Variants in RGS6 observed in about 807,000 individuals in gnomAD.
The protein encoded by RGS6 is regulator of G-protein signaling 6.
Under a neutral mutation model 78.5 loss-of-function variants are expected in RGS6, and 30 were observed. The observed-to-expected ratio is 0.38, with a 90% CI of 0.29 to 0.52. The LOEUF is 0.52. Ranked by LOEUF, RGS6 falls within the 20% of genes least tolerant of loss-of-function variation. The pLI, the probability that RGS6 is intolerant of heterozygous loss-of-function variation, is 0.85. For missense variants in RGS6, 495 were observed against 609.7 expected, an observed-to-expected ratio of 0.81 and a Z score of 1.98; for synonymous variants, 206 against 206.0, an observed-to-expected ratio of 1.00 and a Z score of 0.00.
chr14:72,182,095 T>C (rs1287770939), intron 2 of RGS6, among the ~76,000 whole-genome samples: 2 of 152,208 alleles, frequency 1.3e-5, no homozygotes, highest in African/African-American at 4.8e-5. Flanking sequence ...AGGTTTTTTT[T>C]CTCATTCTTT....
the RGS6 span, among the ~76,000 whole-genome samples, chr14:71,878,722 A>G: frequency 1.3e-5 from 2 of 152,150 alleles, no homozygotes; most frequent in South Asian, 2.1e-4. Flanking sequence ...CCCCAGTGAG[A>G]TGAACTTGGT....
At chr14:72,386,945 G>A (rs1304079849) in intron 3 of RGS6, among the ~76,000 whole-genome samples, 2 of 152,070 alleles carry the variant, frequency 1.3e-5, no homozygotes, top group Non-Finnish European at 2.9e-5. Flanking sequence ...GCTGTGAAAG[G>A]GCACTTGGAA....
intron 2 of RGS6, among the ~76,000 whole-genome samples, chr14:72,110,548 T>C (rs2095735661): frequency 6.6e-6 from 1 of 152,202 alleles, no homozygotes; most frequent in African/African-American, 2.4e-5. Flanking sequence ...TCTCTCTCCC[T>C]GCCTTCTTCC....
chr14:72,075,658 A>G (rs1597154825), intron 2 of RGS6, among the ~76,000 whole-genome samples: 1 of 152,142 alleles, frequency 6.6e-6, no homozygotes, highest in Admixed American at 6.5e-5. Flanking sequence ...ATTTACTTGT[A>G]CAGTTTTTTT....
At chr14:72,045,218 ATTTCC>A (rs2092736622) in intron 2 of RGS6, among the ~76,000 whole-genome samples, 1 of 152,160 alleles carries the variant, frequency 6.6e-6, no homozygotes, top group Non-Finnish European at 1.5e-5. Context: ...GTTATTTTAA[ATTTCC>A]TATCCGATAA....
intron 2 of RGS6, among the ~76,000 whole-genome samples, chr14:72,147,088 C>T (rs1359409105): frequency 2.6e-5 from 4 of 152,176 alleles, no homozygotes; most frequent in Non-Finnish European, 1.5e-5. Context: ...CTGATCATGA[C>T]GTCTTAAGTA....
At chr14:72,261,448 ATACTTTTAGT>A (rs2058136770) in intron 2 of RGS6, among the ~76,000 whole-genome samples, 1 of 151,824 alleles carries the variant, frequency 6.6e-6, no homozygotes, top group East Asian at 1.9e-4. Context: ...CGAAATTACT[ATACTTTTAGT>A]AAGTGAGTGA....
the RGS6 span, among the ~76,000 whole-genome samples, chr14:72,590,757 A>G: frequency 6.6e-6 from 1 of 152,214 alleles, no homozygotes; most frequent in Non-Finnish European, 1.5e-5. Context: ...TCTAGCGGAT[A>G]AGGTCCAACA....
At chr14:72,121,795 T>G (rs777235931) in intron 2 of RGS6, among the ~76,000 whole-genome samples, 8 of 152,158 alleles carry the variant, frequency 5.3e-5, no homozygotes, top group Non-Finnish European at 1.2e-4. Context: ...CCTGAGGATC[T>G]TTCAAGGACT....
intron 2 of RGS6, among the ~76,000 whole-genome samples, chr14:72,004,545 ACT>A (rs1447637756): frequency 1.3e-5 from 2 of 152,168 alleles, no homozygotes; most frequent in East Asian, 3.9e-4. Flanking sequence ...GGCAGAAGAC[ACT>A]CTCAAGCTCA....
At chr14:72,024,291 C>T (rs1177856469) in intron 2 of RGS6, among the ~76,000 whole-genome samples, 2 of 152,192 alleles carry the variant, frequency 1.3e-5, no homozygotes, top group Non-Finnish European at 2.9e-5. Flanking sequence ...CAGTACATCA[C>T]AATTTCTTGT....
At chr14:72,082,510 T>G (rs1030473013) in intron 2 of RGS6, among the ~76,000 whole-genome samples, 2 of 152,144 alleles carry the variant, frequency 1.3e-5, no homozygotes, top group African/African-American at 4.8e-5. Context: ...TTTACTGAAT[T>G]TGTTTATTAA....
the RGS6 span, among the ~76,000 whole-genome samples, chr14:72,629,188 A>C: frequency 1.3e-5 from 2 of 152,224 alleles, no homozygotes; most frequent in African/African-American, 4.8e-5. Context: ...GTTACAGGTA[A>C]AAATGATATT....
intron 3 of RGS6, among the ~76,000 whole-genome samples, chr14:72,410,988 G>A (rs1391696272): frequency 2.0e-5 from 3 of 152,198 alleles, no homozygotes; most frequent in African/African-American, 7.2e-5. Flanking sequence ...AGTATAGTTT[G>A]AAGTCAGGTA....
intron 2 of RGS6, among the ~76,000 whole-genome samples, chr14:72,239,145 C>T (rs2052035889): frequency 6.6e-6 from 1 of 152,088 alleles, no homozygotes; most frequent in African/African-American, 2.4e-5. Context: ...GGTCAAGAGC[C>T]CCGTTTAACG....
intron 3 of RGS6, among the ~76,000 whole-genome samples, chr14:72,372,893 A>G (rs965512471): frequency 6.6e-6 from 1 of 152,234 alleles, no homozygotes; most frequent in Non-Finnish European, 1.5e-5. Flanking sequence ...GTGGATGTAT[A>G]TGAACTGAGA....
At chr14:72,459,553 G>T (rs2095721281) in intron 5 of RGS6, 79 bp from the exon 6 acceptor site, 3 of 1,377,854 alleles carry the variant, frequency 2.2e-6, no homozygotes, top group Non-Finnish European at 3.1e-6. Flanking sequence ...CCTGCCATCA[G>T]GGAGGCTCCT....
intron 2 of RGS6, among the ~76,000 whole-genome samples, chr14:72,341,639 G>A (rs1200844567): frequency 2.0e-5 from 3 of 152,210 alleles, no homozygotes; most frequent in Non-Finnish European, 4.4e-5. Context: ...GGGAGGAGTG[G>A]TGGTGCTGGA....
intron 2 of RGS6, among the ~76,000 whole-genome samples, chr14:72,267,729 C>T (rs148177793): frequency 8.5e-4 from 130 of 152,310 alleles, no homozygotes; most frequent in African/African-American, 3.1e-3. Context: ...AAACTAATTA[C>T]CTGAACTGGG....
Sources: gnomAD v4.1 joint callset for allele counts (sites outside exome capture counted in the v4.1 genomes callset) on GRCh38, gnomAD v4.1.1 for gene constraint, MANE v1.5 for transcripts, NCBI Gene and HGNC (gene_info 2026-07-23, HGNC 2026-07-21) for gene names.